PACSIN2: variants seen among roughly 807,000 people sequenced by gnomAD.
PACSIN2 encodes protein kinase C and casein kinase substrate in neurons protein 2.
In PACSIN2, 25 loss-of-function variants were observed where a neutral mutation model predicts 63.8. The observed-to-expected ratio is 0.39, with a 90% CI of 0.29 to 0.55. PACSIN2 has a LOEUF of 0.55. Among genes scored for constraint, PACSIN2 ranks in the 20% least tolerant of loss-of-function variants. The probability of loss-of-function intolerance (pLI) is 0.62; values close to 1 mark genes in which losing one functional copy is unlikely to be tolerated. For synonymous variants in PACSIN2, 255 were observed against 256.2 expected, an observed-to-expected ratio of 1.00 and a Z score of 0.05; for missense variants, 518 against 646.9, an observed-to-expected ratio of 0.80 and a Z score of 2.16.
chr22:43,006,990 C>G (rs1347816873), intron 1 of PACSIN2, among the ~76,000 whole-genome samples: 1 of 152,102 alleles, frequency 6.6e-6, no homozygotes, highest in African/African-American at 2.4e-5. Flanking sequence ...CCTTGAGACT[C>G]CCAGAGACAG....
intron 6 of PACSIN2, 140 bp downstream of exon 6, chr22:42,884,246 A>G (rs1270343439): frequency 4.3e-6 from 3 of 703,102 alleles, no homozygotes; most frequent in Non-Finnish European, 7.3e-6. Flanking sequence ...GATTACAAAG[A>G]AGCAGGAGGC....
chr22:43,002,819 C>T (rs1349414994), intron 1 of PACSIN2, among the ~76,000 whole-genome samples: 1 of 152,184 alleles, frequency 6.6e-6, no homozygotes, highest in Non-Finnish European at 1.5e-5. Context: ...GTTTTAATCT[C>T]ATTACGTCAA....
At chr22:42,885,162 G>A (rs1228996213) in intron 5 of PACSIN2, among the ~76,000 whole-genome samples, 1 of 152,204 alleles carries the variant, frequency 6.6e-6, no homozygotes, top group East Asian at 1.9e-4. Flanking sequence ...AAAAGCAGGT[G>A]TGGCCTATCT....
At chr22:42,893,359 G>T in intron 3 of PACSIN2, 98 bp downstream of exon 3, 1 of 1,282,820 alleles carries the variant, frequency 7.8e-7, no homozygotes, top group Non-Finnish European at 1.1e-6. Flanking sequence ...AATCTTAAAA[G>T]ACAGAAAACT....
chr22:42,967,147 G>A (rs931386077), intron 1 of PACSIN2, among the ~76,000 whole-genome samples: 1 of 152,140 alleles, frequency 6.6e-6, no homozygotes, highest in Admixed American at 6.5e-5. Flanking sequence ...GTGGGGCTGG[G>A]ACAGGGGGCC....
chr22:42,925,202 C>T (rs997075973), intron 1 of PACSIN2, among the ~76,000 whole-genome samples: 2 of 149,566 alleles, frequency 1.3e-5, no homozygotes, highest in East Asian at 2.1e-4. Context: ...GCTCTAGGGC[C>T]GGGGCGGTGG....
intron 1 of PACSIN2, among the ~76,000 whole-genome samples, chr22:42,920,065 A>G (rs908737999): frequency 2.0e-5 from 3 of 151,944 alleles, no homozygotes; most frequent in Non-Finnish European, 2.9e-5. Flanking sequence ...CTACGATCAT[A>G]CTGCTGCACT....
intron 1 of PACSIN2, among the ~76,000 whole-genome samples, chr22:42,983,332 A>G (rs11912815): frequency 0.19 from 27,638 of 147,494 alleles, 4,013 homozygotes; most frequent in East Asian, 0.7. Context: ...AAAAAAAAAA[A>G]AAAAGAAACT....
At chr22:42,959,357 A>G (rs1934043244) in intron 1 of PACSIN2, among the ~76,000 whole-genome samples, 1 of 152,260 alleles carries the variant, frequency 6.6e-6, no homozygotes, top group Admixed American at 6.5e-5. Context: ...ATTAACAGCT[A>G]ACTCAAGTAA....
At chr22:43,008,164 T>G (rs1334166452) in intron 1 of PACSIN2, among the ~76,000 whole-genome samples, 1 of 152,224 alleles carries the variant, frequency 6.6e-6, no homozygotes, top group African/African-American at 2.4e-5. Flanking sequence ...AAGTATTCTT[T>G]TAAAAAATAA....
At chr22:42,955,679 C>A (rs75900096) in intron 1 of PACSIN2, among the ~76,000 whole-genome samples, 6,190 of 152,312 alleles carry the variant, frequency 0.041, 176 homozygotes, top group Non-Finnish European at 0.06. Flanking sequence ...AGTGGTCTTG[C>A]CACTTTCCTT....
At chr22:42,991,077 AG>A in intron 1 of PACSIN2, among the ~76,000 whole-genome samples, 1 of 152,338 alleles carries the variant, frequency 6.6e-6, no homozygotes, top group Admixed American at 6.5e-5. Flanking sequence ...TCCTAGTGCT[AG>A]GACTAGTAGT....
At chr22:42,943,971 AAG>A in intron 1 of PACSIN2, among the ~76,000 whole-genome samples, 1 of 152,336 alleles carries the variant, frequency 6.6e-6, no homozygotes, top group Non-Finnish European at 1.5e-5. Flanking sequence ...CCACTGGACA[AAG>A]AAGTTGCTGG....
At chr22:42,919,772 C>CAA (rs761464603) in intron 1 of PACSIN2, among the ~76,000 whole-genome samples, 393 of 47,430 alleles carry the variant, frequency 8.3e-3, no homozygotes, top group Non-Finnish European at 0.012. Flanking sequence ...GAACCTGTCT[C>CAA]AAAAAAAAAA....
At chr22:42,975,927 G>A (rs1179220709) in intron 1 of PACSIN2, among the ~76,000 whole-genome samples, 1 of 152,172 alleles carries the variant, frequency 6.6e-6, no homozygotes, top group Non-Finnish European at 1.5e-5. Context: ...AAGACCCACT[G>A]ATAGATGTTC....
chr22:42,924,742 C>G (rs1932422784), intron 1 of PACSIN2, among the ~76,000 whole-genome samples: 1 of 152,024 alleles, frequency 6.6e-6, no homozygotes, highest in Admixed American at 6.5e-5. Context: ...AGCCCCCACC[C>G]CAGTGAGGTT....
intron 10 of PACSIN2, among the ~76,000 whole-genome samples, chr22:42,875,140 A>G (rs1029437667): frequency 7.7e-5 from 11 of 142,650 alleles, no homozygotes; most frequent in South Asian, 4.5e-4. Flanking sequence ...GTGAGCCACC[A>G]TGCCCAGCCT....
intron 1 of PACSIN2, among the ~76,000 whole-genome samples, chr22:43,003,430 C>T (rs1234615037): frequency 2.0e-5 from 3 of 152,080 alleles, no homozygotes; most frequent in Non-Finnish European, 2.9e-5. Flanking sequence ...GGTGAAACCC[C>T]GTCTCTACTA....
At chr22:42,893,689 G>A (rs1930084280) in intron 2 of PACSIN2, 76 bp from the exon 3 acceptor site, 1 of 1,482,464 alleles carries the variant, frequency 6.7e-7, no homozygotes, top group Non-Finnish European at 9.3e-7. Context: ...TGGCCTCCAT[G>A]CCAACCAGGC....
Sources: allele counts gnomAD v4.1 joint callset (sites outside exome capture counted in the v4.1 genomes callset), GRCh38; gene constraint gnomAD v4.1.1; transcripts MANE v1.5; gene names NCBI Gene and HGNC (gene_info 2026-07-23, HGNC 2026-07-21).